ATP11B: variants seen among roughly 807,000 people sequenced by gnomAD.
The protein encoded by ATP11B is ATPase phospholipid transporting 11B (putative), also known as phospholipid-transporting ATPase IF.
A neutral mutation model predicts 157.8 loss-of-function variants in ATP11B; 81 were observed. The observed-to-expected ratio is 0.51, with a 90% CI of 0.43 to 0.62. The LOEUF is 0.62. Among genes scored for constraint, ATP11B ranks in the 20% least tolerant of loss-of-function variants. The pLI is 0.00. For missense variants in ATP11B, 1,165 were observed against 1,402.2 expected (o/e 0.83, Z 2.70); for synonymous variants, 451 against 469.4 (o/e 0.96, Z 0.51).
chr3:182,831,614 C>T (rs1718149133), intron 4 of ATP11B, among the ~76,000 whole-genome samples: 2 of 151,914 alleles, frequency 1.3e-5, no homozygotes, highest in African/African-American at 2.4e-5. Flanking sequence ...AGCTACACTC[C>T]TCTACTTGTC....
chr3:182,827,970 C>T (rs1269225436), intron 2 of ATP11B, 150 bp from the exon 3 acceptor site: 3 of 355,888 alleles, frequency 8.4e-6, no homozygotes, highest in African/African-American at 2.1e-5. Context: ...AAGTCCTGAA[C>T]TCTAAAAGCC....
chr3:182,886,603 G>T (rs978825203), intron 23 of ATP11B, among the ~76,000 whole-genome samples: 16 of 152,084 alleles, frequency 1.1e-4, no homozygotes, highest in Admixed American at 3.3e-4. Context: ...GATCTACTTT[G>T]TTTTAATTTC....
intron 1 of ATP11B, among the ~76,000 whole-genome samples, chr3:182,804,336 C>G (rs775643636): frequency 1.6e-4 from 25 of 151,858 alleles, no homozygotes; most frequent in Admixed American, 4.6e-4. Context: ...AGCTCTGCCT[C>G]CAGGGTTCAG....
At chr3:182,825,261 T>G (rs372602585) in intron 2 of ATP11B, among the ~76,000 whole-genome samples, 169 of 152,360 alleles carry the variant, frequency 1.1e-3, no homozygotes, top group African/African-American at 3.8e-3. Flanking sequence ...TAAATTTTTT[T>G]CATACACTTT....
intron 28 of ATP11B, among the ~76,000 whole-genome samples, chr3:182,910,185 GTGATC>G (rs1235056957): frequency 4.0e-5 from 6 of 150,596 alleles, no homozygotes; most frequent in African/African-American, 7.4e-5. Context: ...AGTTCAAAAA[GTGATC>G]TGAAGAAGTC....
At chr3:182,881,563 A>G (rs985866453) in intron 21 of ATP11B, among the ~76,000 whole-genome samples, 1 of 151,990 alleles carries the variant, frequency 6.6e-6, no homozygotes, top group East Asian at 1.9e-4. Context: ...GAAACTTCCT[A>G]TAATTAAGCC....
intron 9 of ATP11B, among the ~76,000 whole-genome samples, chr3:182,847,860 A>G (rs1180920115): frequency 6.6e-6 from 1 of 152,214 alleles, no homozygotes. Flanking sequence ...AAGTTTTTTG[A>G]TAAGCTGGTC....
intron 25 of ATP11B, among the ~76,000 whole-genome samples, chr3:182,892,740 A>G (rs1723259971): frequency 6.6e-6 from 1 of 152,194 alleles, no homozygotes; most frequent in Non-Finnish European, 1.5e-5. Flanking sequence ...AGTAAAGTAT[A>G]AGTCTTGATC....
chr3:182,920,393 C>T lies in ATP11B; in HGVS notation c.*2289C>T, dbSNP rs1171286007. 1.3e-5 allele frequency: 2 copies of T among 152,144 alleles called. No homozygotes were observed. The highest frequency in any genetic ancestry group is 2.9e-5 in the Non-Finnish European group (2 of 68,016). 9.4% of individuals were successfully genotyped at this position (152,144 alleles called of 1,614,324 possible). On this transcript the variant is annotated 3_prime_UTR_variant, in exon 30 of 30. Transcript: ENST00000323116. Reference sequence around the variant, plus strand: ...GTTTTCTATTTATTTAAGAAAGTAACAATGCAGTCTGCAAGCTTTCAGTAG... The same window carrying T: ...GTTTTCTATTTATTTAAGAAAGTAATAATGCAGTCTGCAAGCTTTCAGTAG...
At chr3:182,891,108 T>C (rs1260937093) in intron 25 of ATP11B, among the ~76,000 whole-genome samples, 1 of 152,240 alleles carries the variant, frequency 6.6e-6, no homozygotes, top group Non-Finnish European at 1.5e-5. Context: ...GGTGCCCTTC[T>C]GCACAGTCTT....
chr3:182,881,055 C>G, intron 21 of ATP11B, 74 bp downstream of exon 21: 4 of 1,151,460 alleles, frequency 3.5e-6, no homozygotes, highest in Non-Finnish European at 4.9e-6. Flanking sequence ...TTTTAATTTT[C>G]TTTTTGTAGA....
At chr3:182,915,865 G>C (rs1725107809) in intron 29 of ATP11B, 2 of 968,400 alleles carry the variant, frequency 2.1e-6, no homozygotes, top group Non-Finnish European at 2.5e-6. Context: ...GTTTTTTTCT[G>C]AATTTTTTTA....
At chr3:182,848,815 A>T (rs1416711872) in intron 10 of ATP11B, among the ~76,000 whole-genome samples, 2 of 152,190 alleles carry the variant, frequency 1.3e-5, no homozygotes, top group Admixed American at 6.5e-5. Flanking sequence ...TAACGCAGAT[A>T]ACAGTTCTAA....
At chr3:182,848,317 T>G (rs1282121775) in intron 9 of ATP11B, among the ~76,000 whole-genome samples, 159 bp from the exon 10 acceptor site, 3 of 152,178 alleles carry the variant, frequency 2.0e-5, no homozygotes, top group African/African-American at 2.4e-5. Flanking sequence ...AAAATTGGAC[T>G]CAGAAAGCCT....
intron 1 of ATP11B, among the ~76,000 whole-genome samples, chr3:182,812,047 A>G (rs987099580): frequency 7.9e-5 from 12 of 152,150 alleles, no homozygotes; most frequent in Non-Finnish European, 1.2e-4. Context: ...TTTTGCATTA[A>G]TTCTTGTCTA....
chr3:182,888,608 T>C (rs1294172094), intron 24 of ATP11B, among the ~76,000 whole-genome samples: 2 of 152,038 alleles, frequency 1.3e-5, no homozygotes, highest in Non-Finnish European at 1.5e-5. Flanking sequence ...GCAGCCTCAA[T>C]CTCCCAGGTT....
intron 1 of ATP11B, among the ~76,000 whole-genome samples, chr3:182,796,847 AAAGT>A (rs1715639604): frequency 6.6e-6 from 1 of 152,234 alleles, no homozygotes; most frequent in African/African-American, 2.4e-5. Context: ...AGCCCAGAAA[AAAGT>A]TAGAAAATGA....
intron 6 of ATP11B, chr3:182,836,744 G>T: frequency 2.1e-6 from 1 of 478,646 alleles, no homozygotes; most frequent in Non-Finnish European, 3.6e-6. Flanking sequence ...AAAAGATAAG[G>T]GACAAATTTA....
intron 1 of ATP11B, among the ~76,000 whole-genome samples, chr3:182,818,425 A>T (rs1217845275): frequency 6.6e-6 from 1 of 152,226 alleles, no homozygotes; most frequent in Non-Finnish European, 1.5e-5. Flanking sequence ...CTGATTTTTG[A>T]AATCAGACAC....
Sources: gnomAD v4.1 joint callset for allele counts (sites outside exome capture counted in the v4.1 genomes callset) on GRCh38, gnomAD v4.1.1 for gene constraint, MANE v1.5 for transcripts, NCBI Gene and HGNC (gene_info 2026-07-23, HGNC 2026-07-21) for gene names.